The following CSMD1 variants were observed in gnomAD, a reference collection of about 807,000 sequenced individuals.
CSMD1 encodes CUB and sushi domain-containing protein 1.
In CSMD1, 213 loss-of-function variants were observed where a neutral mutation model predicts 417.5. The ratio of observed to expected loss-of-function variants is 0.51; its 90% confidence interval spans 0.46 to 0.57. The LOEUF is 0.57. Ranked by LOEUF, CSMD1 falls within the 20% of genes least tolerant of loss-of-function variation. The pLI is 0.00. For synonymous variants in CSMD1, 2,862 were observed against 1,736.8 expected (o/e 1.65, Z -16.11); for missense variants, 6,923 against 4,529.7 (o/e 1.53, Z -15.17).
intron 3 of CSMD1, among the ~76,000 whole-genome samples, chr8:4,081,120 A>C (rs117723327): frequency 0.017 from 2,615 of 152,166 alleles, 47 homozygotes; most frequent in South Asian, 0.052. Flanking sequence ...CCAGACACCA[A>C]ATCTGCTGAA....
intron 9 of CSMD1, among the ~76,000 whole-genome samples, chr8:3,580,854 G>A (rs1800352732): frequency 1.3e-5 from 2 of 152,094 alleles, no homozygotes; most frequent in African/African-American, 4.8e-5. Context: ...ATTTCTACAA[G>A]GGCAGAAAAC....
intron 18 of CSMD1, 76 bp from the exon 19 acceptor site, chr8:3,369,446 G>C: frequency 1.4e-6 from 1 of 717,048 alleles, no homozygotes; most frequent in Non-Finnish European, 2.4e-6. Flanking sequence ...TGGTTAAATG[G>C]CATGCAATTT....
intron 34 of CSMD1, among the ~76,000 whole-genome samples, chr8:3,189,241 A>G (rs1796273190): frequency 6.6e-6 from 1 of 152,236 alleles, no homozygotes; most frequent in Non-Finnish European, 1.5e-5. Flanking sequence ...CTATAAATAA[A>G]TCTATCCAAG....
At chr8:3,576,101 C>G (rs1039286652) in intron 9 of CSMD1, among the ~76,000 whole-genome samples, 1 of 151,970 alleles carries the variant, frequency 6.6e-6, no homozygotes, top group Non-Finnish European at 1.5e-5. Flanking sequence ...GAGTTTAACC[C>G]TTTCTTCAAG....
intron 3 of CSMD1, among the ~76,000 whole-genome samples, chr8:4,221,992 G>A (rs34015326): frequency 0.077 from 11,679 of 151,858 alleles, 642 homozygotes; most frequent in Non-Finnish European, 0.12. Context: ...TCCACCCAAC[G>A]GTCTGTCCCT....
intron 1 of CSMD1, among the ~76,000 whole-genome samples, chr8:4,767,004 C>T (rs191037526): frequency 4.2e-4 from 64 of 152,276 alleles, no homozygotes; most frequent in Non-Finnish European, 1.3e-4. Context: ...CTCTTGTCTT[C>T]TTGGAAAAAT....
chr8:4,231,155 G>A (rs1801702537), intron 3 of CSMD1, among the ~76,000 whole-genome samples: 1 of 152,164 alleles, frequency 6.6e-6, no homozygotes, highest in Non-Finnish European at 1.5e-5. Flanking sequence ...ACAGGATATT[G>A]ATATAGTGAA....
At chr8:3,815,626 C>T (rs900791460) in intron 5 of CSMD1, among the ~76,000 whole-genome samples, 3 of 146,472 alleles carry the variant, frequency 2.0e-5, no homozygotes, top group South Asian at 2.1e-4. Context: ...GCTAGACTTT[C>T]TTTTTTTTTT....
At chr8:4,217,020 A>T (rs1016890458) in intron 3 of CSMD1, among the ~76,000 whole-genome samples, 1 of 152,202 alleles carries the variant, frequency 6.6e-6, no homozygotes, top group African/African-American at 2.4e-5. Flanking sequence ...TGTGTCTCTT[A>T]AAGGATAAGT....
intron 5 of CSMD1, among the ~76,000 whole-genome samples, chr8:3,899,228 G>A (rs747361236): frequency 2.0e-5 from 3 of 152,156 alleles, no homozygotes; most frequent in Admixed American, 6.5e-5. Context: ...CAAGAGCACA[G>A]GAAAGTTGGC....
intron 50 of CSMD1, among the ~76,000 whole-genome samples, 193 bp downstream of exon 50, chr8:3,052,269 T>C (rs937636665): frequency 1.3e-5 from 2 of 152,152 alleles, no homozygotes; most frequent in African/African-American, 4.8e-5. Flanking sequence ...CATTCAAGAG[T>C]GCATAGCTCA....
chr8:3,532,498 C>T lies in CSMD1; in HGVS notation c.1345-38772G>A, dbSNP rs1253479808. 2.0e-5 allele frequency among the ~76,000 whole-genome samples: 3 copies of T among 152,234 alleles called. No individual in the cohort carries two copies. In the East Asian group the frequency reaches 5.8e-4, roughly 29 times the overall value. ...CCTGGTTTTTACCTCTCCTCCATAT[C>T]CCAACCTTCCCCTCAGATGATCAGG... On this transcript the variant is annotated intron_variant, in intron 10 of 69. Transcript: ENST00000635120.
intron 2 of CSMD1, among the ~76,000 whole-genome samples, chr8:4,581,491 T>G (rs1280458373): frequency 6.6e-6 from 1 of 152,218 alleles, no homozygotes; most frequent in African/African-American, 2.4e-5. Context: ...GATAATCTTA[T>G]GTAGAAAAAG....
chr8:3,233,129 T>G (rs1303128248), intron 26 of CSMD1, among the ~76,000 whole-genome samples: 2 of 152,198 alleles, frequency 1.3e-5, no homozygotes, highest in Non-Finnish European at 2.9e-5. Flanking sequence ...CTAATTTTTC[T>G]ACTTCATAAA....
At chr8:3,510,111 A>ACTC (rs1193895546) in intron 10 of CSMD1, among the ~76,000 whole-genome samples, 1 of 149,436 alleles carries the variant, frequency 6.7e-6, no homozygotes. Flanking sequence ...TCCAGCCTGA[A>ACTC]CATAAGGACA....
intron 5 of CSMD1, among the ~76,000 whole-genome samples, chr8:3,822,991 T>C (rs1455889525): frequency 6.6e-6 from 1 of 152,164 alleles, no homozygotes; most frequent in African/African-American, 2.4e-5. Flanking sequence ...CCAGGTTCCC[T>C]TTGGTTACGA....
At chr8:4,845,184 A>G (rs1167102280) in intron 1 of CSMD1, among the ~76,000 whole-genome samples, 1 of 152,228 alleles carries the variant, frequency 6.6e-6, no homozygotes, top group Non-Finnish European at 1.5e-5. Context: ...AGAGTATAAC[A>G]CATTATTACA....
chr8:3,999,048 T>G (rs1453002092), intron 4 of CSMD1, among the ~76,000 whole-genome samples: 2 of 150,128 alleles, frequency 1.3e-5, no homozygotes, highest in Admixed American at 6.7e-5. Flanking sequence ...TATATATAGC[T>G]ATGTTATATA....
intron 10 of CSMD1, among the ~76,000 whole-genome samples, chr8:3,512,675 C>G (rs1797126400): frequency 6.8e-6 from 1 of 146,592 alleles, no homozygotes; most frequent in Non-Finnish European, 1.5e-5. Context: ...ATGACATGAT[C>G]TGGGCTCCCT....
Sources: gnomAD v4.1 joint callset for allele counts (sites outside exome capture counted in the v4.1 genomes callset) on GRCh38, gnomAD v4.1.1 for gene constraint, MANE v1.5 for transcripts, NCBI Gene and HGNC (gene_info 2026-07-23, HGNC 2026-07-21) for gene names.